CDH8: variants seen among roughly 807,000 people sequenced by gnomAD.
The protein encoded by CDH8 is cadherin 8, also known as cadherin-8.
CDH8 carries 17 observed loss-of-function variants against 68.1 expected under a neutral mutation model. That is an observed-to-expected ratio of 0.25 (90% CI 0.17 to 0.37). CDH8 has a LOEUF of 0.37. Ranked by LOEUF, CDH8 falls within the 10% of genes least tolerant of loss-of-function variation. The pLI is 1.00. For missense variants in CDH8, 763 were observed against 999.3 expected (o/e 0.76, Z 3.19); for synonymous variants, 372 against 365.1 (o/e 1.02, Z -0.21).
At chr16:61,885,580 T>C (rs1186523022) in intron 3 of CDH8, among the ~76,000 whole-genome samples, 1 of 152,206 alleles carries the variant, frequency 6.6e-6, no homozygotes, top group African/African-American at 2.4e-5. Flanking sequence ...CGGATACTGG[T>C]ATTTCTCCTT....
chr16:61,792,324 T>C (rs987729836), intron 7 of CDH8, among the ~76,000 whole-genome samples: 3 of 151,936 alleles, frequency 2.0e-5, no homozygotes, highest in African/African-American at 7.2e-5. Flanking sequence ...AGGAACTTGA[T>C]GGGAAAGAAA....
chr16:62,028,060 C>A (rs1902236105), intron 1 of CDH8, among the ~76,000 whole-genome samples: 2 of 143,582 alleles, frequency 1.4e-5, no homozygotes, highest in Admixed American at 7.0e-5. Context: ...CTGTCAAATC[C>A]ATTTTTTTTT....
intron 2 of CDH8, among the ~76,000 whole-genome samples, chr16:62,011,044 A>AAT (rs1019670936): frequency 8.6e-5 from 9 of 105,090 alleles, no homozygotes; most frequent in African/African-American, 2.7e-4. Flanking sequence ...AAAAAAAAAT[A>AAT]AATAAATGTA....
intron 3 of CDH8, among the ~76,000 whole-genome samples, chr16:61,858,547 C>A (rs1172942157): frequency 6.6e-6 from 1 of 152,154 alleles, no homozygotes; most frequent in Non-Finnish European, 1.5e-5. Flanking sequence ...AATAAATTAT[C>A]TGACGATTTA....
intron 2 of CDH8, among the ~76,000 whole-genome samples, chr16:61,926,973 C>T (rs1964465732): frequency 6.6e-6 from 1 of 152,196 alleles, no homozygotes; most frequent in Non-Finnish European, 1.5e-5. Flanking sequence ...GAAGGCATTG[C>T]ATGAGTCATC....
rs555255244 is a variant in CDH8 at position 62,005,120 on chromosome 16, G to A, written c.252+16032C>T. 1.2e-4 allele frequency among the ~76,000 whole-genome samples: 18 copies of A among 152,194 alleles called. No individual in the cohort carries two copies. The East Asian group carries it at 3.3e-3, about 28-fold the overall frequency. Reference sequence around the variant, plus strand: ...AGTTCCCAGCATGCTGATTTTCTTTGTAAATGTGACAACACTTCCCTACCA... The same window carrying A: ...AGTTCCCAGCATGCTGATTTTCTTTATAAATGTGACAACACTTCCCTACCA... On this transcript the variant is annotated intron_variant, in intron 2 of 11. Transcript: ENST00000577390.
intron 4 of CDH8, among the ~76,000 whole-genome samples, chr16:61,848,145 G>A (rs1962852173): frequency 6.6e-6 from 1 of 152,006 alleles, no homozygotes; most frequent in African/African-American, 2.4e-5. Flanking sequence ...ATTCTGAAGG[G>A]ACATGATACA....
At chr16:61,923,945 T>C (rs1037292215) in intron 2 of CDH8, among the ~76,000 whole-genome samples, 2 of 150,760 alleles carry the variant, frequency 1.3e-5, no homozygotes, top group Non-Finnish European at 3.0e-5. Flanking sequence ...ATCAGAATCA[T>C]GGGTATCAGA....
At chr16:61,703,534 T>G (rs1290652633) in intron 10 of CDH8, among the ~76,000 whole-genome samples, 1 of 152,192 alleles carries the variant, frequency 6.6e-6, no homozygotes, top group African/African-American at 2.4e-5. Context: ...TTTTAAACTA[T>G]GCACTGATAA....
intron 10 of CDH8, among the ~76,000 whole-genome samples, chr16:61,659,635 T>G (rs1490712943): frequency 2.0e-5 from 3 of 151,998 alleles, no homozygotes; most frequent in Non-Finnish European, 4.4e-5. Context: ...CACCGTACAC[T>G]GGGAGAGGCA....
At chr16:61,903,918 C>T (rs1964022689) in intron 2 of CDH8, among the ~76,000 whole-genome samples, 1 of 151,444 alleles carries the variant, frequency 6.6e-6, no homozygotes, top group South Asian at 2.1e-4. Context: ...TCTCAAGACT[C>T]CATTCAAAAA....
chr16:61,955,635 AG>A (rs1271289601), intron 2 of CDH8, among the ~76,000 whole-genome samples: 1 of 152,196 alleles, frequency 6.6e-6, no homozygotes, highest in Non-Finnish European at 1.5e-5. Context: ...ACCATTTACA[AG>A]AAAGAGTTTA....
At chr16:61,687,743 T>A (rs2142821415) in intron 10 of CDH8, among the ~76,000 whole-genome samples, 1 of 152,152 alleles carries the variant, frequency 6.6e-6, no homozygotes, top group Non-Finnish European at 1.5e-5. Flanking sequence ...CTGGGCAAGT[T>A]GCTTAATCCT....
chr16:61,918,322 C>T (rs562474617), intron 2 of CDH8: 30 of 155,918 alleles, frequency 1.9e-4, no homozygotes, highest in Admixed American at 1.1e-3. Context: ...CCAAGATGGC[C>T]GAATAGGAAC....
At chr16:61,946,656 T>C (rs895043006) in intron 2 of CDH8, among the ~76,000 whole-genome samples, 3 of 152,284 alleles carry the variant, frequency 2.0e-5, no homozygotes, top group Non-Finnish European at 4.4e-5. Flanking sequence ...ATAGTAAATG[T>C]TCAATACACA....
At chr16:61,800,726 T>C (rs1221429043) in intron 7 of CDH8, among the ~76,000 whole-genome samples, 3 of 152,168 alleles carry the variant, frequency 2.0e-5, no homozygotes, top group African/African-American at 7.2e-5. Context: ...ATTTGACAAA[T>C]GAATGAAAAT....
At chr16:61,835,380 T>C (rs1259785186) in intron 4 of CDH8, among the ~76,000 whole-genome samples, 3 of 151,380 alleles carry the variant, frequency 2.0e-5, no homozygotes, top group African/African-American at 7.3e-5. Flanking sequence ...CATATCCATA[T>C]GGAATAACAT....
At chr16:61,920,897 A>G (rs1964353142) in intron 2 of CDH8, among the ~76,000 whole-genome samples, 1 of 134,484 alleles carries the variant, frequency 7.4e-6, no homozygotes, top group Non-Finnish European at 1.6e-5. Flanking sequence ...AATGTGGCAC[A>G]TATACACCAT....
chr16:61,819,960 T>C (rs1962170931), intron 6 of CDH8, among the ~76,000 whole-genome samples: 1 of 152,088 alleles, frequency 6.6e-6, no homozygotes, highest in Admixed American at 6.6e-5. Context: ...TTGCAAGTGT[T>C]TTGTGACTAT....
Sources: gnomAD v4.1 joint callset for allele counts (sites outside exome capture counted in the v4.1 genomes callset) on GRCh38, gnomAD v4.1.1 for gene constraint, MANE v1.5 for transcripts, NCBI Gene and HGNC (gene_info 2026-07-23, HGNC 2026-07-21) for gene names.